The following MAGI2 variants were observed in gnomAD, a reference collection of about 807,000 sequenced individuals.
MAGI2 encodes the protein membrane associated guanylate kinase, WW and PDZ domain containing 2.
Under a neutral mutation model 133.3 loss-of-function variants are expected in MAGI2, and 35 were observed. The observed-to-expected ratio is 0.26, with a 90% CI of 0.20 to 0.35. The LOEUF (loss-of-function observed/expected upper bound fraction) is 0.35, where lower values mean the gene tolerates loss of function less well. Among genes scored for constraint, MAGI2 ranks in the 10% least tolerant of loss-of-function variants. The pLI is 1.00. For missense variants in MAGI2, 1,636 were observed against 1,863.4 expected, an observed-to-expected ratio of 0.88 and a Z score of 2.25; for synonymous variants, 729 against 710.6, an observed-to-expected ratio of 1.03 and a Z score of -0.41.
chr7:79,145,592 TAAAATACATAC>T (rs1822541694), intron 1 of MAGI2, among the ~76,000 whole-genome samples: 1 of 151,908 alleles, frequency 6.6e-6, no homozygotes, highest in Non-Finnish European at 1.5e-5. Context: ...AAAAAGCCAA[TAAAATACATAC>T]TAGTTGCACT....
chr7:78,110,445 C>T (rs763301925), intron 20 of MAGI2, among the ~76,000 whole-genome samples: 14 of 152,122 alleles, frequency 9.2e-5, no homozygotes, highest in Admixed American at 3.3e-4. Context: ...AAAATGAATG[C>T]GCTGAACATC....
chr7:78,186,406 A>T (rs959591472), intron 12 of MAGI2, among the ~76,000 whole-genome samples: 1 of 152,206 alleles, frequency 6.6e-6, no homozygotes, highest in Non-Finnish European at 1.5e-5. Context: ...TTTCAGGGGT[A>T]GGCAAGGCTC....
At position 79,299,554 on chromosome 7, in the gene MAGI2, C is replaced by CAAAAAAAA. The variant is rs57740248; in HGVS notation, c.301+153458_301+153465dup. Among the ~76,000 whole-genome samples the CAAAAAAAA allele has an allele frequency of 6.2e-3, 524 of 84,654 alleles. 180 individuals carry two copies. The highest frequency in any genetic ancestry group is 0.012 in the South Asian group (24 of 2,048). 55.5% of individuals were successfully genotyped at this position (84,654 alleles called of 152,430 possible). On this transcript the variant is annotated intron_variant, in intron 1 of 21. Coordinates refer to ENST00000354212, the MANE Select transcript of MAGI2 (RefSeq NM_012301.4). ...CTGGAGACAGAGCAAGACTCCATCT[C>CAAAAAAAA]AAAAAAAAAAAAAAAAAAAGATATC... is the stretch of plus-strand genomic sequence containing the variant.
intron 6 of MAGI2, among the ~76,000 whole-genome samples, chr7:78,451,154 G>A (rs1788685426): frequency 6.6e-6 from 1 of 152,048 alleles, no homozygotes; most frequent in South Asian, 2.1e-4. Context: ...CCCACTTGTG[G>A]CTTGGAAGTG....
intron 2 of MAGI2, among the ~76,000 whole-genome samples, chr7:78,660,696 T>G (rs1812855526): frequency 6.6e-6 from 1 of 152,214 alleles, no homozygotes; most frequent in Non-Finnish European, 1.5e-5. Flanking sequence ...TTTAGGAACT[T>G]GAATATCTTT....
At chr7:78,234,188 G>A (rs1790263137) in intron 10 of MAGI2, among the ~76,000 whole-genome samples, 1 of 152,132 alleles carries the variant, frequency 6.6e-6, no homozygotes, top group Admixed American at 6.5e-5. Context: ...AAGTATAATG[G>A]ATTCATCCAT....
At chr7:78,644,211 A>T (rs372935355) in intron 2 of MAGI2, among the ~76,000 whole-genome samples, 54 of 152,214 alleles carry the variant, frequency 3.5e-4, no homozygotes, top group African/African-American at 1.2e-3. Flanking sequence ...AAAATTGATA[A>T]TTCCACAATT....
intron 2 of MAGI2, among the ~76,000 whole-genome samples, chr7:78,791,541 C>CTTT (rs553315100): frequency 5.3e-5 from 7 of 133,012 alleles, no homozygotes; most frequent in Admixed American, 1.5e-4. Flanking sequence ...GAGAAACAAT[C>CTTT]TTTTTTTTTT....
chr7:79,146,106 T>A (rs1020937757), intron 1 of MAGI2, among the ~76,000 whole-genome samples: 4 of 152,174 alleles, frequency 2.6e-5, no homozygotes, highest in Non-Finnish European at 4.4e-5. Flanking sequence ...CTGTTCATGC[T>A]CTACAATCCA....
intron 21 of MAGI2, among the ~76,000 whole-genome samples, chr7:78,057,977 G>GTGTATATATATATATATATATATA (rs762943472): frequency 2.8e-5 from 3 of 106,612 alleles, no homozygotes; most frequent in Non-Finnish European, 6.1e-5. Flanking sequence ...ATATATATGT[G>GTGTATATATATATATATATATATA]TATATATATA....
At chr7:78,973,836 G>T (rs1179771885) in intron 2 of MAGI2, among the ~76,000 whole-genome samples, 1 of 151,720 alleles carries the variant, frequency 6.6e-6, no homozygotes, top group African/African-American at 2.4e-5. Context: ...CGTTACAATA[G>T]TCACCTTTGG....
At chr7:78,213,575 T>C (rs1490000542) in intron 10 of MAGI2, among the ~76,000 whole-genome samples, 1 of 152,236 alleles carries the variant, frequency 6.6e-6, no homozygotes, top group African/African-American at 2.4e-5. Flanking sequence ...CATGGTGAAC[T>C]ACTAATCTAA....
At chr7:78,727,652 T>C (rs772386503) in intron 2 of MAGI2, among the ~76,000 whole-genome samples, 8 of 152,242 alleles carry the variant, frequency 5.3e-5, no homozygotes, top group Non-Finnish European at 7.3e-5. Context: ...GGTTTTCATT[T>C]TGACTTTTTA....
intron 1 of MAGI2, among the ~76,000 whole-genome samples, chr7:79,433,494 A>C (rs560880584): frequency 6.6e-6 from 1 of 152,022 alleles, no homozygotes; most frequent in South Asian, 2.1e-4. Context: ...CGGAGCTTGC[A>C]CTGAGGCGAG....
At chr7:78,195,364 A>G (rs1346521367) in intron 11 of MAGI2, among the ~76,000 whole-genome samples, 2 of 152,158 alleles carry the variant, frequency 1.3e-5, no homozygotes, top group East Asian at 3.8e-4. Flanking sequence ...TTTTCCCCCT[A>G]TAAGATAAAG....
intron 2 of MAGI2, among the ~76,000 whole-genome samples, chr7:78,778,437 G>A (rs1583851971): frequency 6.6e-6 from 1 of 151,890 alleles, no homozygotes; most frequent in East Asian, 1.9e-4. Context: ...TCTAAAGTAG[G>A]GCTACTTTTT....
intron 9 of MAGI2, among the ~76,000 whole-genome samples, chr7:78,331,217 G>A (rs1789157476): frequency 6.6e-6 from 1 of 152,200 alleles, no homozygotes; most frequent in Admixed American, 6.5e-5. Flanking sequence ...CTAGAGTGGG[G>A]ACAGTCGGGG....
At chr7:78,309,456 A>G (rs1260622161) in intron 9 of MAGI2, among the ~76,000 whole-genome samples, 2 of 152,214 alleles carry the variant, frequency 1.3e-5, no homozygotes, top group Non-Finnish European at 2.9e-5. Flanking sequence ...CAAATACCGT[A>G]TGTTCTCACT....
chr7:79,256,738 A>C (rs1281597998), intron 1 of MAGI2, among the ~76,000 whole-genome samples: 1 of 151,994 alleles, frequency 6.6e-6, no homozygotes, highest in Non-Finnish European at 1.5e-5. Context: ...CGATCCTGCC[A>C]CCTTGGCTTC....
Sources: allele counts gnomAD v4.1 joint callset (sites outside exome capture counted in the v4.1 genomes callset), GRCh38; gene constraint gnomAD v4.1.1; transcripts MANE v1.5; gene names NCBI Gene and HGNC (gene_info 2026-07-23, HGNC 2026-07-21).